The following ARHGAP35 variants were observed in gnomAD, a reference collection of about 807,000 sequenced individuals.
The protein encoded by ARHGAP35 is rho GTPase-activating protein 35.
ARHGAP35 carries 15 observed loss-of-function variants against 111.1 expected under a neutral mutation model. The ratio of observed to expected loss-of-function variants is 0.13; its 90% CI spans 0.09 to 0.21. The LOEUF is 0.21. Among genes scored for constraint, ARHGAP35 ranks in the 10% least tolerant of loss-of-function variants. The pLI, the probability that ARHGAP35 is intolerant of heterozygous loss-of-function variation, is 1.00. For synonymous variants in ARHGAP35, 643 were observed against 710.3 expected (o/e 0.91, Z 1.51); for missense variants, 1,262 against 1,873.0 (o/e 0.67, Z 6.02).
In ARHGAP35 at chr19:46,920,838, T is replaced by C. The variant is rs1425272533; in HGVS notation, c.2163T>C (p.Gly721=). Residue 721 remains glycine (G), a synonymous_variant, in exon 2 of 7, where the codon GGT becomes GGC. Transcript: ENST00000672722. The surrounding 1 kb of genome is among the most constrained non-coding windows in gnomAD (Gnocchi z 7.0). ...CTCTGCATAGCTTAATACAGCAAGG[T>C]CAACAAATTGCTAGCAAACTTCAGT... The part of the protein sequence containing the change: ...GETLHSLIQQ[G]QQIASKLQCV... 1 of 1,613,374 alleles carries C rather than the reference T, an allele frequency of 6.2e-7. No individual in the cohort carries two copies. Among genetic ancestry groups the C allele is most frequent in the Non-Finnish European group, 8.5e-7 (1 of 1,179,594 alleles).
chr19:46,881,974 A>G (rs1363785338), intron 1 of ARHGAP35, among the ~76,000 whole-genome samples: 1 of 152,202 alleles, frequency 6.6e-6, no homozygotes, highest in African/African-American at 2.4e-5. Context: ...AACCTTGTTA[A>G]CCAGTCTCTG....
Position 46,920,537 on chromosome 19 carries a change from C to T in ARHGAP35, c.1862C>T (p.Thr621Ile). ...ELANEIRALC[T>I]NDDKYVIDGK... Reference sequence around the variant, plus strand: ...GCCAATGAGATTCGAGCTCTTTGTACAAATGATGACAAGTATGTGATAGAT... The same window carrying T: ...GCCAATGAGATTCGAGCTCTTTGTATAAATGATGACAAGTATGTGATAGAT... The change falls in exon 2 of 7, where the codon ACA becomes ATA. Residue 621 changes from threonine (T) to isoleucine (I), a missense_variant. Transcript: ENST00000672722. This position sits in a 1 kb window ranked among gnomAD's most constrained non-coding sequence, Gnocchi z 7.0. 6.2e-7 allele frequency: 1 copy of T among 1,613,962 alleles called. No homozygotes were observed. The highest frequency in any genetic ancestry group is 8.5e-7 in the Non-Finnish European group (1 of 1,179,858).
intron 1 of ARHGAP35, among the ~76,000 whole-genome samples, chr19:46,881,679 A>C (rs906447824): frequency 1.3e-5 from 2 of 152,214 alleles, no homozygotes; most frequent in African/African-American, 4.8e-5. Flanking sequence ...TAGGATTTTC[A>C]GAATAGTAAA....
At chr19:46,985,097 T>G (rs761252947) in intron 3 of ARHGAP35, among the ~76,000 whole-genome samples, 2 of 152,210 alleles carry the variant, frequency 1.3e-5, no homozygotes, top group African/African-American at 2.4e-5. Context: ...GGAAAATAAC[T>G]TAGATTTAGT....
intron 3 of ARHGAP35, among the ~76,000 whole-genome samples, chr19:46,966,099 C>T (rs2056513645): frequency 6.6e-6 from 1 of 152,160 alleles, no homozygotes; most frequent in Admixed American, 6.5e-5. Context: ...ACTTTGCAAC[C>T]TTCCAGTTTG....
rs1308192608 is a variant in ARHGAP35 at position 46,945,650 on chromosome 19, G to A, written c.3826+8242G>A. 2.6e-5 allele frequency among the ~76,000 whole-genome samples: 4 copies of A among 152,150 alleles called. No homozygotes were observed. The highest frequency in any genetic ancestry group is 2.1e-4 in the South Asian group (1 of 4,820). ...CCTGCCCACCCGGGACGGTCTCAGCGTTCTGGAGACAGAATCCTAGTGCCC... is the reference window on the plus strand; with the variant it reads ...CCTGCCCACCCGGGACGGTCTCAGCATTCTGGAGACAGAATCCTAGTGCCC... On this transcript the variant is annotated intron_variant, in intron 3 of 6. Coordinates refer to ENST00000672722, the MANE Select transcript of ARHGAP35 (RefSeq NM_004491.5). The surrounding 1 kb of genome is among the most constrained non-coding windows in gnomAD (Gnocchi z 4.1).
In ARHGAP35 at chr19:47,003,095, A is replaced by G. The variant is rs11548674; in HGVS notation, c.*2407A>G. 37,944 of 152,260 alleles carry G rather than the reference A, an allele frequency of 0.25. 4,991 individuals carry two copies. Among genetic ancestry groups the G allele is most frequent in the Middle Eastern group, 0.29 (86 of 294 alleles). The allele number at this position is 152,260 out of a possible 1,614,324, so 9.4% of individuals were successfully genotyped here. A position where few individuals can be genotyped will look rare whatever the true frequency, so the allele number is the denominator to read the frequency against. On this transcript the variant is annotated 3_prime_UTR_variant, in exon 7 of 7. Coordinates refer to ENST00000672722, the MANE Select transcript of ARHGAP35 (RefSeq NM_004491.5). ...TTTCCCCCGCTAACTTCAGCCTCTCATCTGCTGCTCCGGGCTGAGGGACTA... is the reference window on the plus strand; with the variant it reads ...TTTCCCCCGCTAACTTCAGCCTCTCGTCTGCTGCTCCGGGCTGAGGGACTA...
chr19:46,960,487 A>G (rs2056473734), intron 3 of ARHGAP35, among the ~76,000 whole-genome samples: 1 of 152,196 alleles, frequency 6.6e-6, no homozygotes, highest in Non-Finnish European at 1.5e-5. Context: ...TTTGGTCTAC[A>G]TGCAGAGAAG....
Position 47,002,673 on chromosome 19 carries a change from T to A in ARHGAP35, c.*1985T>A, listed in dbSNP as rs1402552683. ...TGACCCCGCCCCCTTTTCGAGGTTA[T>A]GCTCACCTGGTCAGCTCCTCACGTA... is the stretch of plus-strand genomic sequence containing the variant. On this transcript the variant is annotated 3_prime_UTR_variant, in exon 7 of 7. Transcript: ENST00000672722. The A allele has an allele frequency of 6.6e-6, 1 of 152,082 alleles. No homozygotes were observed. Among genetic ancestry groups the A allele is most frequent in the Non-Finnish European group, 1.5e-5 (1 of 68,038 alleles). 9.4% of individuals were successfully genotyped at this position (152,082 alleles called of 1,614,324 possible).
At chr19:46,907,633 T>G (rs1356345753) in intron 1 of ARHGAP35, among the ~76,000 whole-genome samples, 2 of 151,058 alleles carry the variant, frequency 1.3e-5, no homozygotes, top group Non-Finnish European at 1.5e-5. Flanking sequence ...CGCCCACCAC[T>G]ATGACCGGCT....
At chr19:46,892,204 T>A (rs1485405726) in intron 1 of ARHGAP35, among the ~76,000 whole-genome samples, 1 of 143,042 alleles carries the variant, frequency 7.0e-6, no homozygotes, top group Non-Finnish European at 1.5e-5. Flanking sequence ...CTTGGGAGAC[T>A]GAGGTAGGAG....
chr19:46,870,431 T>G (rs187305677), intron 1 of ARHGAP35, among the ~76,000 whole-genome samples: 3 of 151,588 alleles, frequency 2.0e-5, no homozygotes, highest in Non-Finnish European at 4.4e-5. Flanking sequence ...TACAAAAAAT[T>G]AGCCGGGTGT....
At chr19:46,871,435 C>G (rs1427571706) in intron 1 of ARHGAP35, among the ~76,000 whole-genome samples, 2 of 152,048 alleles carry the variant, frequency 1.3e-5, no homozygotes, top group African/African-American at 4.8e-5. Flanking sequence ...CTCCACCTCC[C>G]AGGTTAAAGC....
At chr19:46,978,445 T>TTG (rs368799939) in intron 3 of ARHGAP35, among the ~76,000 whole-genome samples, 25 of 151,608 alleles carry the variant, frequency 1.6e-4, no homozygotes, top group Admixed American at 5.9e-4. Context: ...AGCGGGTGTT[T>TTG]TGTGTGTGTG....
At chr19:46,987,952 A>T in intron 3 of ARHGAP35, 37 bp from the exon 4 acceptor site, 1 of 1,605,372 alleles carries the variant, frequency 6.2e-7, no homozygotes, top group South Asian at 1.1e-5. Context: ...TCTGCTCTCC[A>T]GTTCCTGCTC....
intron 1 of ARHGAP35, among the ~76,000 whole-genome samples, 134 bp downstream of exon 1, chr19:46,861,343 GCCCCCCCC>G (rs1025046699): frequency 1.0e-4 from 14 of 138,506 alleles, no homozygotes; most frequent in South Asian, 2.3e-4. Flanking sequence ...GGGAGGAGCG[GCCCCCCCC>G]CCAGCCCCCC....
chr19:46,923,317 T>C (rs2056216710), intron 2 of ARHGAP35, among the ~76,000 whole-genome samples: 1 of 151,946 alleles, frequency 6.6e-6, no homozygotes, highest in Non-Finnish European at 1.5e-5. Flanking sequence ...GGTTTCACCG[T>C]GTTAGCCAGG....
At chr19:46,954,866 A>T (rs969655519) in intron 3 of ARHGAP35, among the ~76,000 whole-genome samples, 4 of 152,220 alleles carry the variant, frequency 2.6e-5, no homozygotes, top group Non-Finnish European at 5.9e-5. Flanking sequence ...AAAAGCCACA[A>T]CAGAAAACCT....
In ARHGAP35 at chr19:46,989,822, T is replaced by C. The variant is rs941479377; in HGVS notation, c.4036+147T>C. On this transcript the variant is annotated intron_variant, in intron 5 of 6. Coordinates refer to ENST00000672722, the MANE Select transcript of ARHGAP35 (RefSeq NM_004491.5). This position sits in a 1 kb window ranked among gnomAD's most constrained non-coding sequence, Gnocchi z 5.3. Reference sequence around the variant, plus strand: ...AAGGGAATTAACCAGATGACAGCAATGGGACTTGCAAATCGGGCTCCTGCC... The same window carrying C: ...AAGGGAATTAACCAGATGACAGCAACGGGACTTGCAAATCGGGCTCCTGCC... The C allele has an allele frequency of 2.2e-6, 3 of 1,353,700 alleles. No individual in the cohort carries two copies. The highest frequency in any genetic ancestry group is 2.9e-5 in the African/African-American group (2 of 69,352). The allele number at this position is 1,353,700 out of a possible 1,614,324, so 83.9% of individuals were successfully genotyped here.
Sources: gnomAD v4.1 joint callset for allele counts (sites outside exome capture counted in the v4.1 genomes callset) on GRCh38, gnomAD v4.1.1 for gene constraint, Gnocchi (gnomAD v3.1) non-coding constraint, MANE v1.5 for transcripts, NCBI Gene and HGNC (gene_info 2026-07-23, HGNC 2026-07-21) for gene names.